The following COL15A1 variants were observed in gnomAD, a reference collection of about 807,000 sequenced individuals.
COL15A1 encodes collagen alpha-1(XV) chain.
In COL15A1, 111 loss-of-function variants were observed where a neutral mutation model predicts 165.9. The observed-to-expected ratio is 0.67, with a 90% confidence interval of 0.57 to 0.78. The LOEUF (loss-of-function observed/expected upper bound fraction) is 0.78, where lower values mean the gene tolerates loss of function less well. Ranked by LOEUF, COL15A1 falls within the 30% of genes least tolerant of loss-of-function variation. COL15A1 has a pLI of 0.00. For synonymous variants in COL15A1, 659 were observed against 674.8 expected (o/e 0.98, Z 0.36); for missense variants, 1,745 against 1,789.7 (o/e 0.98, Z 0.45).
chr9:99,047,098 G>A (rs1435133198), intron 26 of COL15A1, among the ~76,000 whole-genome samples: 1 of 152,206 alleles, frequency 6.6e-6, no homozygotes, highest in Non-Finnish European at 1.5e-5. Context: ...GTTCTAGGAA[G>A]ACATACATCA....
At chr9:99,034,624 T>TATCCCTC in intron 17 of COL15A1, 40 bp downstream of exon 17, 3 of 1,411,278 alleles carry the variant, frequency 2.1e-6, no homozygotes, top group Non-Finnish European at 2.8e-6. Flanking sequence ...AGAACTTTCT[T>TATCCCTC]CTCCCTCCTC....
At position 99,069,952 on chromosome 9, in the gene COL15A1, T is replaced by G; in HGVS notation, c.*66T>G. The G allele has an allele frequency of 7.9e-7, 1 of 1,265,548 alleles. No individual in the cohort carries two copies. Among genetic ancestry groups the G allele is most frequent in the Non-Finnish European group, 1.1e-6 (1 of 903,446 alleles). The allele number at this position is 1,265,548 out of a possible 1,614,324, so 78.4% of individuals were successfully genotyped here. The stretch of plus-strand genomic sequence containing the variant: ...TATGTGAAGAGTTGACACTGAAATC[T>G]AAAATGTTTAATTGTTGTAAATATT... On this transcript the variant is annotated 3_prime_UTR_variant, in exon 42 of 42. Transcript: ENST00000375001.
intron 7 of COL15A1, among the ~76,000 whole-genome samples, chr9:99,002,756 G>A (rs907502584): frequency 6.6e-6 from 1 of 152,228 alleles, no homozygotes; most frequent in Non-Finnish European, 1.5e-5. Context: ...TTTGGGAAAT[G>A]CTGCACTCTA....
intron 9 of COL15A1, among the ~76,000 whole-genome samples, chr9:99,013,355 C>A (rs951133406): frequency 4.6e-5 from 7 of 152,102 alleles, no homozygotes; most frequent in African/African-American, 1.4e-4. Context: ...CTGGGAGGTG[C>A]AAAATGCCCT....
At chr9:99,047,713 G>A (rs184517263) in intron 26 of COL15A1, 73 bp from the exon 27 acceptor site, 861 of 1,490,638 alleles carry the variant, frequency 5.8e-4, no homozygotes, top group Non-Finnish European at 7.6e-4. Flanking sequence ...CTGCAAAAGC[G>A]GGCTTGCACT....
chr9:98,985,543 G>A (rs372460599), intron 2 of COL15A1, 22 bp from the exon 3 acceptor site: 23 of 1,595,844 alleles, frequency 1.4e-5, no homozygotes, highest in Middle Eastern at 1.8e-4. Context: ...GTAAAGCGTG[G>A]CCTCTCTCTC....
At chr9:98,972,936 G>A (rs887700234) in intron 2 of COL15A1, among the ~76,000 whole-genome samples, 3 of 152,206 alleles carry the variant, frequency 2.0e-5, no homozygotes, top group African/African-American at 7.2e-5. Context: ...GCTGGCTGCT[G>A]CACCGAGGAT....
chr9:99,035,620 A>G (rs943215796), intron 19 of COL15A1, among the ~76,000 whole-genome samples: 6 of 152,180 alleles, frequency 3.9e-5, no homozygotes, highest in East Asian at 1.9e-4. Flanking sequence ...TGCAGAAAAC[A>G]TGATGTGGGA....
intron 12 of COL15A1, 94 bp from the exon 13 acceptor site, chr9:99,021,997 C>A (rs1222278847): frequency 2.0e-6 from 3 of 1,537,452 alleles, no homozygotes; most frequent in Non-Finnish European, 2.7e-6. Context: ...CCTGTGTGAT[C>A]CTGATTTTAA....
At chr9:99,032,453 G>T (rs908176765) in intron 16 of COL15A1, among the ~76,000 whole-genome samples, 1 of 152,134 alleles carries the variant, frequency 6.6e-6, no homozygotes, top group Non-Finnish European at 1.5e-5. Flanking sequence ...CTCCCAAAGT[G>T]CTGGGATTAC....
intron 2 of COL15A1, among the ~76,000 whole-genome samples, chr9:98,966,062 C>T (rs1837951452): frequency 6.6e-6 from 1 of 152,078 alleles, no homozygotes; most frequent in African/African-American, 2.4e-5. Flanking sequence ...CAGACTGGGC[C>T]CAGGATAGAA....
chr9:99,047,677 T>C (rs1002688199), intron 26 of COL15A1, 109 bp from the exon 27 acceptor site: 3 of 1,142,652 alleles, frequency 2.6e-6, no homozygotes, highest in Non-Finnish European at 4.0e-6. Context: ...TCCTTCCTCC[T>C]GTCAGTGGAT....
At chr9:99,023,694 C>T (rs576240626) in intron 14 of COL15A1, among the ~76,000 whole-genome samples, 1 of 152,196 alleles carries the variant, frequency 6.6e-6, no homozygotes, top group East Asian at 1.9e-4. Context: ...CTCCTCACCC[C>T]ACCTTCTTCC....
intron 2 of COL15A1, among the ~76,000 whole-genome samples, chr9:98,974,384 T>C (rs1451477794): frequency 6.6e-6 from 1 of 152,016 alleles, no homozygotes; most frequent in Non-Finnish European, 1.5e-5. Flanking sequence ...GATTTAGACA[T>C]ACCCAGGGTC....
intron 14 of COL15A1, among the ~76,000 whole-genome samples, chr9:99,023,897 C>T (rs1486304301): frequency 6.6e-6 from 1 of 152,188 alleles, no homozygotes; most frequent in African/African-American, 2.4e-5. Flanking sequence ...TTCCCTTATG[C>T]ATTCCCTCCC....
At chr9:98,981,655 C>T (rs576656789) in intron 2 of COL15A1, among the ~76,000 whole-genome samples, 90 of 152,220 alleles carry the variant, frequency 5.9e-4, no homozygotes, top group African/African-American at 2.1e-3. Flanking sequence ...CATACAAATG[C>T]GTGGGAGTGA....
chr9:98,995,650 A>T (rs1838530090), intron 5 of COL15A1, among the ~76,000 whole-genome samples: 1 of 152,184 alleles, frequency 6.6e-6, no homozygotes, highest in Non-Finnish European at 1.5e-5. Context: ...TCATTCTCCA[A>T]GGCCCAACTC....
chr9:99,027,161 G>A (rs1168946812), intron 16 of COL15A1, among the ~76,000 whole-genome samples: 1 of 152,162 alleles, frequency 6.6e-6, no homozygotes, highest in Non-Finnish European at 1.5e-5. Context: ...TCAAAGGAAG[G>A]CAATAAAGAC....
In COL15A1 at chr9:99,034,540, T is replaced by G; in HGVS notation, c.2044-9T>G. ...AATTGGTCCATGTTTTTGTTTTTGT[T>G]TTTTTCAGGGAGCAAGAGGGCCTAA... On this transcript the variant is annotated splice_polypyrimidine_tract_variant and intron_variant, in intron 16 of 41. Transcript: ENST00000375001. 6.3e-7 allele frequency: 1 copy of G among 1,584,622 alleles called. No individual in the cohort carries two copies. Among genetic ancestry groups the G allele is most frequent in the Non-Finnish European group, 8.5e-7 (1 of 1,171,400 alleles).
Sources: gnomAD v4.1 joint callset for allele counts (sites outside exome capture counted in the v4.1 genomes callset) on GRCh38, gnomAD v4.1.1 for gene constraint, MANE v1.5 for transcripts, NCBI Gene and HGNC (gene_info 2026-07-23, HGNC 2026-07-21) for gene names.